Variants in WWTR1 observed in about 807,000 individuals in gnomAD.
WWTR1 encodes the protein WW domain-containing transcription regulator protein 1.
Under a neutral mutation model 40.1 loss-of-function variants are expected in WWTR1, and 13 were observed. The observed-to-expected ratio is 0.32, with a 90% CI of 0.21 to 0.52. The LOEUF (loss-of-function observed/expected upper bound fraction) is 0.52. Ranked by LOEUF, WWTR1 falls within the 20% of genes least tolerant of loss-of-function variation. WWTR1 has a pLI of 0.97. For missense variants in WWTR1, 436 were observed against 523.1 expected, an observed-to-expected ratio of 0.83 and a Z score of 1.63; for synonymous variants, 230 against 210.1, an observed-to-expected ratio of 1.09 and a Z score of -0.82.
chr3:149,595,108 T>C (rs1485113114), intron 2 of WWTR1, among the ~76,000 whole-genome samples: 1 of 151,584 alleles, frequency 6.6e-6, no homozygotes, highest in African/African-American at 2.4e-5. Flanking sequence ...ACTACAGGCA[T>C]GCACCACCAC....
intron 2 of WWTR1, among the ~76,000 whole-genome samples, chr3:149,577,954 C>G (rs1476691755): frequency 6.6e-6 from 1 of 151,954 alleles, no homozygotes. Context: ...AGGGCAATGG[C>G]CTCTGGGCTT....
At chr3:149,606,217 G>A (rs1044663953) in intron 2 of WWTR1, among the ~76,000 whole-genome samples, 1 of 152,104 alleles carries the variant, frequency 6.6e-6, no homozygotes, top group African/African-American at 2.4e-5. Flanking sequence ...CTAGTTTATG[G>A]TATTTTTGTT....
upstream of WWTR1, among the ~76,000 whole-genome samples, chr3:149,707,822 C>T (rs1338380072): frequency 1.3e-5 from 2 of 150,918 alleles, no homozygotes; most frequent in South Asian, 2.1e-4. Context: ...TAGTCTCTAC[C>T]GCCTGCTCAG....
intron 2 of WWTR1, among the ~76,000 whole-genome samples, chr3:149,589,660 T>TC (rs397797934): frequency 2.0e-5 from 3 of 151,616 alleles, no homozygotes; most frequent in Non-Finnish European, 4.4e-5. Flanking sequence ...TTTTTTTTTT[T>TC]AATGGTGTTA....
chr3:149,577,575 C>A (rs1259991475), intron 2 of WWTR1, among the ~76,000 whole-genome samples: 16 of 152,092 alleles, frequency 1.1e-4, no homozygotes, highest in Admixed American at 1.0e-3. Flanking sequence ...TAGAGAACTG[C>A]CCAGGTTGGA....
intron 4 of WWTR1, among the ~76,000 whole-genome samples, chr3:149,717,897 A>C (rs969057642): frequency 6.6e-6 from 1 of 151,990 alleles, no homozygotes; most frequent in African/African-American, 2.4e-5. Flanking sequence ...GTATTCATTC[A>C]TGTTTTTCTC....
chr3:149,644,827 G>A (rs971276342), intron 2 of WWTR1, among the ~76,000 whole-genome samples: 36 of 152,054 alleles, frequency 2.4e-4, no homozygotes, highest in Non-Finnish European at 4.7e-4. Context: ...GCAGGGAGGT[G>A]GGCAGTACTT....
chr3:149,708,487 G>GC (rs1426487466), intron 5 of WWTR1, among the ~76,000 whole-genome samples: 11 of 152,194 alleles, frequency 7.2e-5, no homozygotes, highest in South Asian at 2.1e-4. Context: ...CCCCACTGCT[G>GC]CCCTGCTTCT....
intron 1 of WWTR1, among the ~76,000 whole-genome samples, chr3:149,679,130 C>T (rs1714371040): frequency 1.3e-5 from 2 of 152,142 alleles, no homozygotes; most frequent in African/African-American, 4.8e-5. Context: ...TGCGCCTGGC[C>T]CAAGGCCATA....
chr3:149,622,672 GAAAACCAAAACCAAACCAAACC>G (rs1560089942), intron 2 of WWTR1, among the ~76,000 whole-genome samples: 1 of 151,976 alleles, frequency 6.6e-6, no homozygotes, highest in East Asian at 1.9e-4. Context: ...ACAACATGGC[GAAAACCAAAACCAAACCAAACC>G]AAAACCAAAA....
chr3:149,626,028 A>C (rs1163176972), intron 2 of WWTR1, among the ~76,000 whole-genome samples: 1 of 152,152 alleles, frequency 6.6e-6, no homozygotes, highest in African/African-American at 2.4e-5. Context: ...CATTCTTAGC[A>C]ATGAGTGTGC....
intron 2 of WWTR1, among the ~76,000 whole-genome samples, chr3:149,587,951 T>C (rs1437169539): frequency 6.6e-6 from 1 of 152,148 alleles, no homozygotes; most frequent in African/African-American, 2.4e-5. Context: ...GAGCAGTATA[T>C]CAATATGCAA....
At chr3:149,690,683 C>T (rs549322216) in intron 1 of WWTR1, among the ~76,000 whole-genome samples, 1 of 151,992 alleles carries the variant, frequency 6.6e-6, no homozygotes, top group Non-Finnish European at 1.5e-5. Context: ...ACTTTAGCAC[C>T]CTGCTTTTAG....
At chr3:149,607,729 T>G (rs1739552466) in intron 2 of WWTR1, among the ~76,000 whole-genome samples, 1 of 152,220 alleles carries the variant, frequency 6.6e-6, no homozygotes, top group Non-Finnish European at 1.5e-5. Flanking sequence ...TCATTCTTTG[T>G]CAGTGAGGAA....
chr3:149,545,666 C>T (rs1234671429), intron 3 of WWTR1, among the ~76,000 whole-genome samples: 2 of 152,114 alleles, frequency 1.3e-5, no homozygotes, highest in Middle Eastern at 3.2e-3. Flanking sequence ...GGATTACAGT[C>T]GTGTGCCACC....
chr3:149,699,284 T>G (rs1715091219), intron 1 of WWTR1, among the ~76,000 whole-genome samples: 1 of 150,924 alleles, frequency 6.6e-6, no homozygotes, highest in Admixed American at 6.6e-5. Context: ...ATATTCTAGG[T>G]CATCATTCTT....
chr3:149,635,463 G>A (rs1211817074), intron 2 of WWTR1, among the ~76,000 whole-genome samples: 1 of 151,580 alleles, frequency 6.6e-6, no homozygotes, highest in African/African-American at 2.4e-5. Context: ...TTAAAGTGGT[G>A]GGTAAAAACG....
At chr3:149,525,957 A>C in intron 6 of WWTR1, 56 bp downstream of exon 6, 114 of 972,256 alleles carry the variant, frequency 1.2e-4, no homozygotes, top group Non-Finnish European at 1.6e-4. Flanking sequence ...AGATAACCGA[A>C]GAGATCATTT....
In WWTR1 at chr3:149,521,054, C is replaced by A. The variant is rs1735022778; in HGVS notation, c.1019-65G>T. 2.0e-6 allele frequency: 3 copies of A among 1,483,694 alleles called. No individual in the cohort carries two copies. The South Asian group carries it at 4.2e-5, about 21-fold the overall frequency. The allele number at this position is 1,483,694 out of a possible 1,614,324, so 91.9% of individuals were successfully genotyped here. A position where few individuals can be genotyped will look rare whatever the true frequency, so the allele number is the denominator to read the frequency against. ...TTAGGCTCTTGAAGGAGGAACAGTT[C>A]AAGTATTTACATAACCCTCACCTTC... On this transcript the variant is annotated intron_variant, in intron 6 of 6. Coordinates refer to ENST00000360632, the MANE Select transcript of WWTR1 (RefSeq NM_015472.6).
Sources: allele counts gnomAD v4.1 joint callset (sites outside exome capture counted in the v4.1 genomes callset), GRCh38; gene constraint gnomAD v4.1.1; transcripts MANE v1.5; gene names NCBI Gene and HGNC (gene_info 2026-07-23, HGNC 2026-07-21).